Variants in FANK1 observed in about 807,000 individuals in gnomAD.
FANK1 encodes fibronectin type III and ankyrin repeat domains 1.
A neutral mutation model predicts 45.3 loss-of-function variants in FANK1; 44 were observed. That is an observed-to-expected ratio of 0.97 (90% CI 0.76 to 1.25). The LOEUF (loss-of-function observed/expected upper bound fraction) is 1.25, where lower values mean the gene tolerates loss of function less well. Ranked by LOEUF, FANK1 falls within the 50% of genes most tolerant of loss-of-function variation. FANK1 has a pLI of 0.00. For missense variants in FANK1, 391 were observed against 424.4 expected (o/e 0.92, Z 0.69); for synonymous variants, 149 against 152.5 (o/e 0.98, Z 0.17).
chr10:125,979,795 G>A (rs956483537), intron 1 of FANK1: 2 of 464,806 alleles, frequency 4.3e-6, no homozygotes, highest in African/African-American at 4.0e-5. Context: ...ATCAGATAGA[G>A]CATTTGTCTC....
chr10:125,924,849 G>A (rs1438448640), intron 1 of FANK1, among the ~76,000 whole-genome samples: 604 of 136,956 alleles, frequency 4.4e-3, no homozygotes, highest in Middle Eastern at 0.014. Flanking sequence ...TTCCCCTTAT[G>A]AATGGATTTA....
At chr10:126,002,614 T>C (rs953182676) in intron 6 of FANK1, among the ~76,000 whole-genome samples, 18 of 152,188 alleles carry the variant, frequency 1.2e-4, no homozygotes, top group African/African-American at 4.3e-4. Context: ...CTTTGCACGT[T>C]TCCCTATTGA....
intron 1 of FANK1, among the ~76,000 whole-genome samples, chr10:125,936,097 A>C (rs1231655250): frequency 6.6e-6 from 1 of 152,198 alleles, no homozygotes; most frequent in Non-Finnish European, 1.5e-5. Context: ...AAACATTTTT[A>C]TATTAGGACA....
chr10:125,903,340 C>T (rs1945204493), intron 1 of FANK1, among the ~76,000 whole-genome samples: 1 of 152,230 alleles, frequency 6.6e-6, no homozygotes, highest in Admixed American at 6.5e-5. Context: ...GCTCTGTGCT[C>T]ACAGGGCTGG....
At chr10:125,994,026 C>T (rs1356201689) in intron 3 of FANK1, among the ~76,000 whole-genome samples, 2 of 152,294 alleles carry the variant, frequency 1.3e-5, no homozygotes, top group East Asian at 3.9e-4. Context: ...AAAGTGTCTC[C>T]TATGCCCAGG....
chr10:125,948,578 C>T (rs1046246092), intron 1 of FANK1, among the ~76,000 whole-genome samples: 2 of 152,204 alleles, frequency 1.3e-5, no homozygotes, highest in Non-Finnish European at 2.9e-5. Flanking sequence ...AGTTGAATCT[C>T]TGAATAGACC....
chr10:125,953,632 G>T (rs1312072438), intron 1 of FANK1, among the ~76,000 whole-genome samples: 1 of 152,220 alleles, frequency 6.6e-6, no homozygotes, highest in Non-Finnish European at 1.5e-5. Flanking sequence ...CCTCTGAGCT[G>T]CAGGTCCCAG....
chr10:125,941,998 C>T (rs1399666784), intron 1 of FANK1, among the ~76,000 whole-genome samples: 1 of 152,192 alleles, frequency 6.6e-6, no homozygotes. Flanking sequence ...ATGTTCTGGC[C>T]TTCAGATGGG....
chr10:126,003,976 T>TC (rs1952976863), intron 6 of FANK1, among the ~76,000 whole-genome samples: 1 of 152,072 alleles, frequency 6.6e-6, no homozygotes, highest in African/African-American at 2.4e-5. Context: ...GTGCCTGGCC[T>TC]CCCCATTAAC....
intron 3 of FANK1, chr10:125,989,515 T>C (rs537518633): frequency 8.9e-6 from 7 of 787,434 alleles, no homozygotes; most frequent in South Asian, 7.3e-5. Context: ...TTGTGTAGAC[T>C]AAAGTTAACT....
chr10:125,955,282 C>A (rs937596996), intron 1 of FANK1, among the ~76,000 whole-genome samples: 4 of 152,000 alleles, frequency 2.6e-5, no homozygotes, highest in Non-Finnish European at 5.9e-5. Context: ...CCGACAGACC[C>A]CAGTGTGTGT....
chr10:125,963,232 C>T (rs904243678), intron 1 of FANK1, among the ~76,000 whole-genome samples: 8 of 152,214 alleles, frequency 5.3e-5, no homozygotes, highest in East Asian at 1.9e-4. Flanking sequence ...GATCCACCTG[C>T]CTCGGTCTCC....
chr10:125,956,806 A>G (rs1949605523), intron 1 of FANK1, among the ~76,000 whole-genome samples: 1 of 152,212 alleles, frequency 6.6e-6, no homozygotes, highest in South Asian at 2.1e-4. Flanking sequence ...GGAAAAACGT[A>G]AAACTCATTA....
chr10:125,909,514 TTTTTC>T (rs1945815118), intron 1 of FANK1, among the ~76,000 whole-genome samples: 1 of 151,004 alleles, frequency 6.6e-6, no homozygotes, highest in Non-Finnish European at 1.5e-5. Flanking sequence ...GGTTTTCTTC[TTTTTC>T]TTTTTTTTTT....
intron 1 of FANK1, among the ~76,000 whole-genome samples, chr10:125,934,387 C>T (rs1026064839): frequency 6.6e-6 from 1 of 152,094 alleles, no homozygotes; most frequent in African/African-American, 2.4e-5. Flanking sequence ...TGTTTTGGGG[C>T]AGCATCTACC....
intron 1 of FANK1, among the ~76,000 whole-genome samples, chr10:125,924,446 G>T (rs1470936465): frequency 6.6e-6 from 1 of 151,610 alleles, no homozygotes; most frequent in Non-Finnish European, 1.5e-5. Context: ...TAGAGATGGG[G>T]TTTTACCACG....
chr10:125,997,165 C>T (rs1359032527), intron 5 of FANK1, among the ~76,000 whole-genome samples: 3 of 151,992 alleles, frequency 2.0e-5, no homozygotes, highest in Non-Finnish European at 2.9e-5. Context: ...TTTGGTAGCC[C>T]GATTTGTTTC....
intron 6 of FANK1, 168 bp from the exon 7 acceptor site, chr10:126,004,716 C>T: frequency 1.6e-6 from 1 of 619,594 alleles, no homozygotes; most frequent in East Asian, 2.8e-5. Context: ...ATGGATATAC[C>T]ACATTTTGTA....
chr10:126,004,158 C>T, intron 6 of FANK1: 1 of 86,516 alleles, frequency 1.2e-5, no homozygotes, highest in African/African-American at 3.6e-5. Context: ...ACATTTTATC[C>T]TTAAAAAAAA....
Sources: gnomAD v4.1 joint callset for allele counts (sites outside exome capture counted in the v4.1 genomes callset) on GRCh38, gnomAD v4.1.1 for gene constraint, MANE v1.5 for transcripts, NCBI Gene and HGNC (gene_info 2026-07-23, HGNC 2026-07-21) for gene names.